The following RMST variants were observed in gnomAD, a reference collection of about 807,000 sequenced individuals.
RMST encodes rhabdomyosarcoma 2 associated transcript.
intron 10 of RMST, among the ~76,000 whole-genome samples, chr12:97,502,203 C>A (rs955820633): frequency 3.3e-5 from 5 of 152,040 alleles, no homozygotes; most frequent in Non-Finnish European, 7.4e-5. Flanking sequence ...ACCTTAGTGT[C>A]CTGAAGTTCA....
intron 10 of RMST, among the ~76,000 whole-genome samples, chr12:97,512,256 G>A (rs1310158602): frequency 1.3e-5 from 2 of 152,172 alleles, no homozygotes; most frequent in African/African-American, 4.8e-5. Flanking sequence ...CAGGAGTGAA[G>A]CTGCAGACCT....
At chr12:97,482,039 CTGTCTCTTT>C (rs1175431348) in intron 5 of RMST, among the ~76,000 whole-genome samples, 2 of 152,188 alleles carry the variant, frequency 1.3e-5, no homozygotes, top group African/African-American at 2.4e-5. Flanking sequence ...TGTTTATTCA[CTGTCTCTTT>C]TTGTTCCTCC....
chr12:97,472,775 AG>A (rs768041635), intron 5 of RMST, among the ~76,000 whole-genome samples: 30 of 152,264 alleles, frequency 2.0e-4, no homozygotes, highest in Admixed American at 4.6e-4. Context: ...ATTGGGTAAA[AG>A]TTGGTATAGT....
intron 5 of RMST, among the ~76,000 whole-genome samples, chr12:97,470,538 A>G (rs1873792952): frequency 6.6e-6 from 1 of 152,034 alleles, no homozygotes; most frequent in Admixed American, 6.6e-5. Flanking sequence ...AAAGATCTTT[A>G]AATATTTATA....
intron 5 of RMST, among the ~76,000 whole-genome samples, chr12:97,485,020 A>G (rs551644070): frequency 3.3e-4 from 51 of 152,298 alleles, no homozygotes; most frequent in Non-Finnish European, 5.6e-4. Context: ...ATGCTTGGTG[A>G]TATGTTAGAA....
chr12:97,472,287 C>T (rs564237802), intron 5 of RMST, among the ~76,000 whole-genome samples: 1 of 152,182 alleles, frequency 6.6e-6, no homozygotes, highest in African/African-American at 2.4e-5. Context: ...TACATACTTA[C>T]GTAATGGAAA....
At chr12:97,508,902 C>T (rs1271188732) in intron 10 of RMST, among the ~76,000 whole-genome samples, 4 of 152,148 alleles carry the variant, frequency 2.6e-5, no homozygotes, top group Non-Finnish European at 5.9e-5. Context: ...GAGGTTTAGG[C>T]AGAAAGGCTT....
At chr12:97,516,920 A>G (rs983076886) in intron 10 of RMST, among the ~76,000 whole-genome samples, 1 of 152,032 alleles carries the variant, frequency 6.6e-6, no homozygotes, top group African/African-American at 2.4e-5. Context: ...AACATTTACA[A>G]TATTCTATGG....
intron 10 of RMST, among the ~76,000 whole-genome samples, chr12:97,525,093 C>T (rs1380767093): frequency 6.6e-6 from 1 of 152,152 alleles, no homozygotes; most frequent in Non-Finnish European, 1.5e-5. Flanking sequence ...GGGGAAAGGA[C>T]TCCTTACTTG....
chr12:97,511,680 G>A (rs773856164), intron 10 of RMST, among the ~76,000 whole-genome samples: 1 of 152,164 alleles, frequency 6.6e-6, no homozygotes, highest in African/African-American at 2.4e-5. Flanking sequence ...TAGGAAGTAA[G>A]TACTATTTTG....
intron 10 of RMST, among the ~76,000 whole-genome samples, chr12:97,506,830 C>T (rs866212194): frequency 6.6e-6 from 1 of 151,630 alleles, no homozygotes; most frequent in Non-Finnish European, 1.5e-5. Flanking sequence ...ATTACAGGCA[C>T]GCACCACCAC....
intron 5 of RMST, among the ~76,000 whole-genome samples, chr12:97,484,182 T>C (rs1300248673): frequency 2.6e-5 from 4 of 152,212 alleles, no homozygotes; most frequent in African/African-American, 7.2e-5. Context: ...ATGTCCTCAG[T>C]TCTTACAGTG....
intron 11 of RMST, chr12:97,552,103 G>A (rs1167721445): frequency 6.6e-6 from 1 of 152,160 alleles, no homozygotes; most frequent in African/African-American, 2.4e-5. Context: ...TGCTTCGATT[G>A]CTGTAAATAT....
chr12:97,510,941 T>C (rs190437319), intron 10 of RMST, among the ~76,000 whole-genome samples: 1 of 152,298 alleles, frequency 6.6e-6, no homozygotes, highest in Non-Finnish European at 1.5e-5. Context: ...AATTGGGATC[T>C]TGTTTCTCCT....
intron 11 of RMST, among the ~76,000 whole-genome samples, chr12:97,544,248 T>C (rs1592777191): frequency 6.6e-6 from 1 of 152,124 alleles, no homozygotes; most frequent in East Asian, 1.9e-4. Context: ...TCATTCTTAC[T>C]AAAACGTATT....
intron 10 of RMST, among the ~76,000 whole-genome samples, chr12:97,525,357 C>T (rs752757908): frequency 2.0e-5 from 3 of 152,090 alleles, no homozygotes; most frequent in Non-Finnish European, 4.4e-5. Context: ...TGCTGATCAA[C>T]TAGGTAGGCA....
Position 97,507,290 on chromosome 12 carries a change from A to T in RMST, n.1340+11234A>T, listed in dbSNP as rs1278756891. ...TTTGTTTTTGTCTTTTTTTTTTTAA[A>T]AAAAAAAAGATGGCTAACTCTGCCA... is the stretch of plus-strand genomic sequence containing the variant. On this transcript the variant is annotated intron_variant and non_coding_transcript_variant, in intron 10 of 13. Transcript: ENST00000640149. Among the ~76,000 whole-genome samples the T allele has an allele frequency of 9.7e-5, 14 of 144,170 alleles. No individual in the cohort carries two copies. The East Asian group carries it at 1.2e-3, about 12-fold the overall frequency. 94.6% of individuals were successfully genotyped at this position (144,170 alleles called of 152,430 possible). A position where few individuals can be genotyped will look rare whatever the true frequency, so the allele number is the denominator to read the frequency against.
chr12:97,523,974 A>C (rs1433738952), intron 10 of RMST, among the ~76,000 whole-genome samples: 1 of 148,334 alleles, frequency 6.7e-6, no homozygotes. Flanking sequence ...TACTTGGGAG[A>C]CTGAAGCGGG....
At position 97,554,235 on chromosome 12, in the gene RMST, C is replaced by T. The variant is rs140595207; in HGVS notation, n.1546-6302C>T. ...TCCCAAAGTGCTGGGATTACAGGCA[C>T]GAGCTACCGCGCCCAGCCAATGGTG... On this transcript the variant is annotated intron_variant and non_coding_transcript_variant, in intron 11 of 13. Coordinates refer to ENST00000640149, the Ensembl canonical transcript of RMST. Among the ~76,000 whole-genome samples the T allele has an allele frequency of 8.6e-3, 1,313 of 152,016 alleles. 22 individuals carry two copies. Among genetic ancestry groups the T allele is most frequent in the African/African-American group, 0.029 (1,219 of 41,494 alleles).
Sources: gnomAD v4.1 joint callset for allele counts (sites outside exome capture counted in the v4.1 genomes callset) on GRCh38, gnomAD v4.1.1 for gene constraint, MANE v1.5 for transcripts, NCBI Gene and HGNC (gene_info 2026-07-23, HGNC 2026-07-21) for gene names.